Variants in DLGAP2 observed in about 807,000 individuals in gnomAD.
DLGAP2 encodes the protein disks large-associated protein 2.
In DLGAP2, 26 loss-of-function variants were observed where a neutral mutation model predicts 100.3. The observed-to-expected ratio is 0.26, with a 90% confidence interval of 0.19 to 0.36. DLGAP2 has a LOEUF of 0.36. Ranked by LOEUF, DLGAP2 falls within the 10% of genes least tolerant of loss-of-function variation. The probability of loss-of-function intolerance (pLI) is 1.00; values close to 1 mark genes in which losing one functional copy is unlikely to be tolerated. For missense variants in DLGAP2, 1,858 were observed against 1,453.2 expected (o/e 1.28, Z -4.53); for synonymous variants, 886 against 630.1 (o/e 1.41, Z -6.08).
intron 2 of DLGAP2, among the ~76,000 whole-genome samples, chr8:1,080,362 T>C (rs1396345636): frequency 6.6e-6 from 1 of 152,144 alleles, no homozygotes; most frequent in Non-Finnish European, 1.5e-5. Flanking sequence ...GCAGCTGCCG[T>C]CTCTTTAGTG....
At chr8:1,646,020 T>C (rs7003222) in intron 8 of DLGAP2, among the ~76,000 whole-genome samples, 42,053 of 152,030 alleles carry the variant, frequency 0.28, 7,369 homozygotes, top group African/African-American at 0.5. Context: ...GATAGTGTGA[T>C]GGTGGAGTTC....
intron 1 of DLGAP2, among the ~76,000 whole-genome samples, chr8:787,650 C>T (rs371085585): frequency 1.3e-5 from 2 of 152,204 alleles, no homozygotes; most frequent in East Asian, 1.9e-4. Context: ...CCTCTTCCCC[C>T]CTTGGCCTTG....
chr8:1,070,881 A>T (rs543158325), intron 2 of DLGAP2, among the ~76,000 whole-genome samples: 10 of 152,148 alleles, frequency 6.6e-5, no homozygotes, highest in Non-Finnish European at 4.4e-5. Context: ...AGACCCCACA[A>T]TTGCCGACAA....
chr8:946,348 C>G (rs1014188839), intron 2 of DLGAP2, among the ~76,000 whole-genome samples: 1 of 151,460 alleles, frequency 6.6e-6, no homozygotes, highest in South Asian at 2.1e-4. Flanking sequence ...ATTGCAAGCT[C>G]CGCCTCCCGG....
At chr8:804,015 G>T (rs150536128) in intron 1 of DLGAP2, among the ~76,000 whole-genome samples, 1 of 152,146 alleles carries the variant, frequency 6.6e-6, no homozygotes, top group Non-Finnish European at 1.5e-5. Flanking sequence ...GTTGGCGGGG[G>T]GTGTGGATTT....
At chr8:1,269,675 C>A (rs1466992084) in intron 3 of DLGAP2, among the ~76,000 whole-genome samples, 1 of 152,086 alleles carries the variant, frequency 6.6e-6, no homozygotes, top group Non-Finnish European at 1.5e-5. Context: ...AAGGAAAACA[C>A]CCCAGAATAG....
intron 6 of DLGAP2, among the ~76,000 whole-genome samples, chr8:1,575,863 A>G (rs1176461627): frequency 6.6e-6 from 1 of 151,788 alleles, no homozygotes; most frequent in East Asian, 1.9e-4. Flanking sequence ...AATCCAGTCT[A>G]TCATTGATGG....
intron 2 of DLGAP2, among the ~76,000 whole-genome samples, chr8:1,162,896 G>A (rs1796919107): frequency 6.6e-6 from 1 of 152,216 alleles, no homozygotes; most frequent in South Asian, 2.1e-4. Flanking sequence ...GCTGGGCTGG[G>A]GTCCACGATG....
At chr8:1,502,775 C>G (rs974496793) in intron 4 of DLGAP2, among the ~76,000 whole-genome samples, 3 of 152,186 alleles carry the variant, frequency 2.0e-5, no homozygotes, top group African/African-American at 7.2e-5. Context: ...AGCTCAGCTG[C>G]CTTTGCACTG....
chr8:1,650,996 A>G (rs1178737589), intron 8 of DLGAP2, among the ~76,000 whole-genome samples: 1 of 152,208 alleles, frequency 6.6e-6, no homozygotes, highest in Non-Finnish European at 1.5e-5. Flanking sequence ...GTCTGCCTCC[A>G]GCATCTACCA....
At chr8:1,337,923 C>G (rs1428067240) in intron 3 of DLGAP2, among the ~76,000 whole-genome samples, 1 of 152,212 alleles carries the variant, frequency 6.6e-6, no homozygotes, top group Non-Finnish European at 1.5e-5. Context: ...AAATGTTCCA[C>G]TAAGTACAGG....
At chr8:997,702 TAAAG>T (rs1275633859) in intron 2 of DLGAP2, among the ~76,000 whole-genome samples, 4 of 152,188 alleles carry the variant, frequency 2.6e-5, no homozygotes, top group Admixed American at 6.5e-5. Context: ...AGCCTAAGAA[TAAAG>T]AAAGAGAAAA....
intron 2 of DLGAP2, among the ~76,000 whole-genome samples, chr8:1,226,817 A>C (rs1435029532): frequency 1.3e-5 from 2 of 152,104 alleles, no homozygotes; most frequent in African/African-American, 4.8e-5. Flanking sequence ...TCACTGAGAT[A>C]CCACCTCATG....
chr8:818,150 A>T (rs1437999036), intron 1 of DLGAP2, among the ~76,000 whole-genome samples: 2 of 151,834 alleles, frequency 1.3e-5, no homozygotes, highest in African/African-American at 4.8e-5. Context: ...CTGAGCTCAG[A>T]CTCTCCTTGG....
chr8:1,457,339 A>C (rs1798343930), intron 3 of DLGAP2, among the ~76,000 whole-genome samples: 1 of 152,154 alleles, frequency 6.6e-6, no homozygotes, highest in Admixed American at 6.5e-5. Flanking sequence ...CGTCTCCACT[A>C]GATTTCTTCA....
intron 3 of DLGAP2, among the ~76,000 whole-genome samples, chr8:1,270,680 CTATT>C (rs1451950013): frequency 4.7e-5 from 7 of 148,266 alleles, no homozygotes; most frequent in East Asian, 2.0e-4. Context: ...GTGTGTCTCT[CTATT>C]TATGTCTCTG....
intron 3 of DLGAP2, among the ~76,000 whole-genome samples, chr8:1,315,863 C>T (rs1800728699): frequency 7.8e-6 from 1 of 128,372 alleles, no homozygotes; most frequent in Non-Finnish European, 1.7e-5. Flanking sequence ...GCGAGTGCAG[C>T]GTCTCTCCAA....
At chr8:1,113,741 G>A (rs1055457356) in intron 2 of DLGAP2, among the ~76,000 whole-genome samples, 8 of 152,066 alleles carry the variant, frequency 5.3e-5, no homozygotes, top group Admixed American at 2.6e-4. Context: ...ATGTTGAATG[G>A]GACTAGTGAG....
intron 1 of DLGAP2, among the ~76,000 whole-genome samples, chr8:869,874 G>C (rs1044185226): frequency 2.6e-5 from 4 of 152,034 alleles, no homozygotes; most frequent in Admixed American, 2.0e-4. Context: ...CTCAGGAAAG[G>C]ACACATTCTG....
Sources: gnomAD v4.1 joint callset for allele counts (sites outside exome capture counted in the v4.1 genomes callset) on GRCh38, gnomAD v4.1.1 for gene constraint, MANE v1.5 for transcripts, NCBI Gene and HGNC (gene_info 2026-07-23, HGNC 2026-07-21) for gene names.